Variants in CAMTA1 observed in about 807,000 individuals in gnomAD.
CAMTA1 encodes calmodulin-binding transcription activator 1.
CAMTA1 carries 27 observed loss-of-function variants against 170.9 expected under a neutral mutation model. That is an observed-to-expected ratio of 0.16 (90% CI 0.12 to 0.22). The LOEUF is 0.22. Ranked by LOEUF, CAMTA1 falls within the 10% of genes least tolerant of loss-of-function variation. The pLI is 1.00. For missense variants in CAMTA1, 1,619 were observed against 2,217.2 expected, an observed-to-expected ratio of 0.73 and a Z score of 5.42; for synonymous variants, 833 against 891.5, an observed-to-expected ratio of 0.93 and a Z score of 1.17.
chr1:7,159,098 C>A, intron 4 of CAMTA1, among the ~76,000 whole-genome samples: 1 of 151,236 alleles, frequency 6.6e-6, no homozygotes, highest in East Asian at 1.9e-4. Flanking sequence ...AAGTTGTTTT[C>A]TTTTTTTAAA....
At chr1:7,512,118 C>T (rs2094209300) in intron 6 of CAMTA1, among the ~76,000 whole-genome samples, 1 of 152,178 alleles carries the variant, frequency 6.6e-6, no homozygotes, top group African/African-American at 2.4e-5. Flanking sequence ...AAAGTGCTTT[C>T]ATTCATTCAT....
intron 4 of CAMTA1, among the ~76,000 whole-genome samples, chr1:7,128,559 A>G (rs974492658): frequency 6.6e-6 from 1 of 152,226 alleles, no homozygotes; most frequent in Non-Finnish European, 1.5e-5. Context: ...TGGGCTAAGA[A>G]AAGTCAGATC....
rs534081045 is a variant in CAMTA1, at chr1:7,594,689, T to A, written c.511-45711T>A. Among the ~76,000 whole-genome samples, 12 of 152,312 alleles carry A rather than the reference T, an allele frequency of 7.9e-5. No homozygotes were observed. In the South Asian group the frequency reaches 2.3e-3, roughly 29 times the overall value. On this transcript the variant is annotated intron_variant, in intron 6 of 22. Coordinates refer to ENST00000303635, the MANE Select transcript of CAMTA1 (RefSeq NM_015215.4). ...GAGGACAGAGGTCTGGGACCTATTT[T>A]GAGGCAAGGTTGACAAATATGCTGA...
chr1:7,442,443 T>C (rs1419141195), intron 5 of CAMTA1, among the ~76,000 whole-genome samples: 3 of 152,062 alleles, frequency 2.0e-5, no homozygotes, highest in African/African-American at 7.2e-5. Context: ...TATGCATAGA[T>C]GAGCAGGCAG....
intron 3 of CAMTA1, among the ~76,000 whole-genome samples, chr1:6,943,670 AC>A (rs1356218506): frequency 1.3e-5 from 2 of 151,598 alleles, no homozygotes; most frequent in Non-Finnish European, 2.9e-5. Context: ...ACATGGTGAA[AC>A]CCCCGTCTCT....
At chr1:7,204,766 C>CTAG in intron 4 of CAMTA1, among the ~76,000 whole-genome samples, 1 of 145,734 alleles carries the variant, frequency 6.9e-6, no homozygotes, top group Admixed American at 6.8e-5. Flanking sequence ...TCTCCAAATA[C>CTAG]TATTATTATT....
intron 3 of CAMTA1, among the ~76,000 whole-genome samples, chr1:7,048,927 TCTC>T (rs1305415689): frequency 2.0e-5 from 3 of 152,130 alleles, no homozygotes; most frequent in Admixed American, 6.5e-5. Context: ...GTGTTGCAAA[TCTC>T]CTCCAGCTTT....
chr1:6,912,647 C>T (rs890351831), intron 3 of CAMTA1, among the ~76,000 whole-genome samples: 2 of 152,180 alleles, frequency 1.3e-5, no homozygotes, highest in African/African-American at 4.8e-5. Flanking sequence ...TTTGGTCGGC[C>T]CTCCCAGCAG....
At chr1:7,603,768 T>C (rs2095464841) in intron 6 of CAMTA1, among the ~76,000 whole-genome samples, 1 of 152,240 alleles carries the variant, frequency 6.6e-6, no homozygotes, top group Non-Finnish European at 1.5e-5. Flanking sequence ...ATGCAGTTTC[T>C]TCCTAGCCTC....
rs1021252372 is a variant in CAMTA1 at position 7,397,382 on chromosome 1, T to G, written c.439-70448T>G. ...TTTTTAAATTTGAGTTTTCTCTCTT[T>G]GTTCCTTAGGTAGTCTAGAGAACAG... On this transcript the variant is annotated intron_variant, in intron 5 of 22. Coordinates refer to ENST00000303635, the MANE Select transcript of CAMTA1 (RefSeq NM_015215.4). 6.6e-5 allele frequency among the ~76,000 whole-genome samples: 10 copies of G among 152,128 alleles called. 1 individual carries two copies. The highest frequency in any genetic ancestry group is 1.3e-4 in the Non-Finnish European group (9 of 67,982).
intron 6 of CAMTA1, among the ~76,000 whole-genome samples, chr1:7,472,120 G>C (rs532634103): frequency 6.6e-6 from 1 of 152,354 alleles, no homozygotes; most frequent in South Asian, 2.1e-4. Context: ...GCTTGCTTGG[G>C]TGGAGGCAGC....
At chr1:7,212,233 G>GT (rs1454890522) in intron 4 of CAMTA1, among the ~76,000 whole-genome samples, 2 of 151,734 alleles carry the variant, frequency 1.3e-5, no homozygotes, top group Non-Finnish European at 1.5e-5. Context: ...AGGCTCTTTT[G>GT]TTTTTTTGCT....
intron 4 of CAMTA1, among the ~76,000 whole-genome samples, chr1:7,108,084 T>A (rs367647298): frequency 6.6e-6 from 1 of 152,134 alleles, no homozygotes; most frequent in Non-Finnish European, 1.5e-5. Context: ...GTAGAGGCTG[T>A]TGATGCTGGA....
intron 4 of CAMTA1, among the ~76,000 whole-genome samples, chr1:7,136,156 TCTC>T (rs1335424888): frequency 6.6e-6 from 1 of 152,164 alleles, no homozygotes. Flanking sequence ...TATCATGTGG[TCTC>T]CTCTTTCAGA....
intron 5 of CAMTA1, among the ~76,000 whole-genome samples, chr1:7,383,552 G>A (rs762515886): frequency 2.6e-5 from 4 of 152,180 alleles, no homozygotes; most frequent in African/African-American, 4.8e-5. Context: ...GTTGTTGAGA[G>A]CATTAAAATG....
chr1:7,417,787 C>T (rs935304876), intron 5 of CAMTA1, among the ~76,000 whole-genome samples: 1 of 152,214 alleles, frequency 6.6e-6, no homozygotes, highest in African/African-American at 2.4e-5. Flanking sequence ...CACTGTCCTG[C>T]ACCCACCGTC....
chr1:7,704,493 G>C (rs1232333543), intron 11 of CAMTA1, among the ~76,000 whole-genome samples: 1 of 146,606 alleles, frequency 6.8e-6, no homozygotes, highest in East Asian at 2.0e-4. Flanking sequence ...CGCCCGGGCC[G>C]CGCTCCGCCC....
rs565393720 is a variant in CAMTA1 at position 7,275,845 on chromosome 1, C to T, written c.438+26219C>T. The stretch of plus-strand genomic sequence containing the variant: ...TAAGGCAAGAATAATGTTAGGCTTA[C>T]CAAACATTTTCAGAAAATATAGGAT... On this transcript the variant is annotated intron_variant, in intron 5 of 22. Coordinates refer to ENST00000303635, the MANE Select transcript of CAMTA1 (RefSeq NM_015215.4). 6.6e-5 allele frequency among the ~76,000 whole-genome samples: 10 copies of T among 152,124 alleles called. No homozygotes were observed. In the South Asian group the frequency reaches 1.7e-3, roughly 25 times the overall value.
At chr1:7,188,812 TG>T (rs1221183445) in intron 4 of CAMTA1, among the ~76,000 whole-genome samples, 2 of 152,210 alleles carry the variant, frequency 1.3e-5, no homozygotes, top group South Asian at 2.1e-4. Context: ...TTAATTTCTT[TG>T]GGGTATATAT....
Sources: gnomAD v4.1 joint callset for allele counts (sites outside exome capture counted in the v4.1 genomes callset) on GRCh38, gnomAD v4.1.1 for gene constraint, MANE v1.5 for transcripts, NCBI Gene and HGNC (gene_info 2026-07-23, HGNC 2026-07-21) for gene names.